ARHGEF12: variants seen among roughly 807,000 people sequenced by gnomAD.
ARHGEF12 encodes the protein KMT2A/ARHGEF12 fusion protein.
ARHGEF12 carries 66 observed loss-of-function variants against 211.2 expected under a neutral mutation model. The ratio of observed to expected loss-of-function variants is 0.31; its 90% CI spans 0.26 to 0.38. The LOEUF is 0.38. Ranked by LOEUF, ARHGEF12 falls within the 10% of genes least tolerant of loss-of-function variation. The pLI is 1.00. For missense variants in ARHGEF12, 1,429 were observed against 1,869.5 expected (o/e 0.76, Z 4.34); for synonymous variants, 592 against 638.4 (o/e 0.93, Z 1.09).
intron 1 of ARHGEF12, among the ~76,000 whole-genome samples, chr11:120,352,878 C>T (rs1302926416): frequency 2.0e-5 from 3 of 152,206 alleles, no homozygotes; most frequent in African/African-American, 7.2e-5. Flanking sequence ...ACATAGCCCA[C>T]ACACATCTGG....
At chr11:120,366,747 G>A (rs960418485) in intron 1 of ARHGEF12, among the ~76,000 whole-genome samples, 2 of 152,220 alleles carry the variant, frequency 1.3e-5, no homozygotes, top group Non-Finnish European at 2.9e-5. Flanking sequence ...GGATGAGGTG[G>A]CTCACGCCTG....
chr11:120,458,695 C>G (rs1946435066), intron 25 of ARHGEF12: 1 of 175,052 alleles, frequency 5.7e-6, no homozygotes, highest in Admixed American at 5.8e-5. Context: ...GGGTGCTGTA[C>G]CCTTTACTAT....
Position 120,486,334 on chromosome 11 carries a change from TC to T in ARHGEF12, c.*1259del. 4.3e-6 allele frequency: 1 copy of T among 233,232 alleles called. No homozygotes were observed. The highest frequency in any genetic ancestry group is 8.5e-6 in the Non-Finnish European group (1 of 117,800). The allele number at this position is 233,232 out of a possible 1,614,324, so 14.4% of individuals were successfully genotyped here. A position where few individuals can be genotyped will look rare whatever the true frequency, so the allele number is the denominator to read the frequency against. Reference sequence around the variant, plus strand: ...TGCTCACACCAGCTCCAGAAGCACGTCCTCTGACTTCACTGCCGCAGCTCTT... The same window carrying T: ...TGCTCACACCAGCTCCAGAAGCACGTCTCTGACTTCACTGCCGCAGCTCTT... On this transcript the variant is annotated 3_prime_UTR_variant, in exon 41 of 41. Transcript: ENST00000397843.
rs544708593 is a variant in ARHGEF12, at chr11:120,451,657, C to T, written c.1989C>T (p.Ala663=). 4 of 1,614,066 alleles carry T rather than the reference C, an allele frequency of 2.5e-6. No homozygotes were observed. The highest frequency in any genetic ancestry group is 3.4e-6 in the Non-Finnish European group (4 of 1,180,008). ...GAACAGACGCTGGATACCTGCCTGC[C>T]AATTCCATGTCTTCTGTAGCTTCAG... ...NEGTDAGYLP[A]NSMSSVASGA... Residue 663 remains alanine (A), a synonymous_variant, in exon 22 of 41, where the codon GCC becomes GCT. Coordinates refer to ENST00000397843, the MANE Select transcript of ARHGEF12 (RefSeq NM_015313.3).
chr11:120,484,953 A>C, intron 40 of ARHGEF12, 114 bp from the exon 41 acceptor site: 1 of 1,119,730 alleles, frequency 8.9e-7, no homozygotes, highest in Middle Eastern at 2.0e-4. Flanking sequence ...ATCTGCTTAC[A>C]TACTGATTCA....
chr11:120,370,039 G>T (rs535392721), intron 1 of ARHGEF12, among the ~76,000 whole-genome samples: 4 of 152,076 alleles, frequency 2.6e-5, no homozygotes, highest in African/African-American at 9.6e-5. Context: ...GGAAATTTTT[G>T]CAGATTTTTA....
chr11:120,483,463 AC>A (rs1435132320), intron 39 of ARHGEF12, among the ~76,000 whole-genome samples: 10 of 149,274 alleles, frequency 6.7e-5, no homozygotes, highest in African/African-American at 2.2e-4. Context: ...TCGGTCTGTC[AC>A]CCAGGCTGGA....
At chr11:120,465,850 AAT>A (rs1946690606) in intron 28 of ARHGEF12, among the ~76,000 whole-genome samples, 4 of 152,366 alleles carry the variant, frequency 2.6e-5, no homozygotes, top group East Asian at 1.9e-4. Context: ...AATAATAAAA[AAT>A]ATATGTCAGG....
At chr11:120,457,666 A>G in intron 23 of ARHGEF12, 55 bp from the exon 24 acceptor site, 2 of 1,403,066 alleles carry the variant, frequency 1.4e-6, no homozygotes, top group Non-Finnish European at 2.0e-6. Flanking sequence ...CTTTGGTATA[A>G]ATGTATTGAT....
At chr11:120,340,825 A>G (rs1266659069) in intron 1 of ARHGEF12, among the ~76,000 whole-genome samples, 6 of 152,212 alleles carry the variant, frequency 3.9e-5, no homozygotes, top group African/African-American at 9.6e-5. Flanking sequence ...AAGGTATGCA[A>G]TAGTACATTC....
intron 4 of ARHGEF12, among the ~76,000 whole-genome samples, chr11:120,420,316 C>A (rs1428689347): frequency 6.6e-6 from 1 of 151,942 alleles, no homozygotes; most frequent in Admixed American, 6.6e-5. Flanking sequence ...CAGAATTTTC[C>A]TTGAGATGCT....
chr11:120,352,159 T>G (rs1942998606), intron 1 of ARHGEF12, among the ~76,000 whole-genome samples: 1 of 152,132 alleles, frequency 6.6e-6, no homozygotes, highest in African/African-American at 2.4e-5. Context: ...CCTATTTTCT[T>G]TTCCAGATTT....
At chr11:120,445,718 G>A (rs980860543) in intron 16 of ARHGEF12, among the ~76,000 whole-genome samples, 5 of 151,980 alleles carry the variant, frequency 3.3e-5, no homozygotes, top group African/African-American at 1.2e-4. Flanking sequence ...TGCCAACATG[G>A]TGGAACCCTG....
chr11:120,421,094 A>G (rs774186113), intron 5 of ARHGEF12, among the ~76,000 whole-genome samples: 1 of 152,230 alleles, frequency 6.6e-6, no homozygotes, highest in Non-Finnish European at 1.5e-5. Flanking sequence ...CTCCTTGGTC[A>G]TGATACTTTA....
chr11:120,382,445 A>G (rs548977338), intron 1 of ARHGEF12, among the ~76,000 whole-genome samples: 2 of 152,372 alleles, frequency 1.3e-5, no homozygotes, highest in African/African-American at 4.8e-5. Context: ...GGACATTTAG[A>G]TAGCTCTAGT....
intron 7 of ARHGEF12, among the ~76,000 whole-genome samples, chr11:120,425,348 T>G (rs34540404): frequency 0.037 from 5,631 of 151,840 alleles, 292 homozygotes; most frequent in African/African-American, 0.12. Flanking sequence ...GGTTTTTTTT[T>G]TTTTTTTGTT....
chr11:120,469,536 A>G (rs550393944), intron 30 of ARHGEF12, 148 bp downstream of exon 30: 1 of 688,964 alleles, frequency 1.5e-6, no homozygotes, highest in Non-Finnish European at 2.4e-6. Context: ...AGGCAGGTCA[A>G]GATCAATCTG....
intron 1 of ARHGEF12, among the ~76,000 whole-genome samples, chr11:120,356,908 C>T (rs1281880734): frequency 6.6e-6 from 1 of 152,148 alleles, no homozygotes; most frequent in Non-Finnish European, 1.5e-5. Context: ...CACAATTACT[C>T]TGTGAGGTAT....
rs757820746 is a variant in ARHGEF12, at chr11:120,429,843, A to G, written c.783+12A>G. 2.5e-6 allele frequency: 4 copies of G among 1,599,420 alleles called. No homozygotes were observed. Among genetic ancestry groups the G allele is most frequent in the South Asian group, 2.3e-5 (2 of 87,580 alleles). On this transcript the variant is annotated intron_variant, in intron 10 of 40. Coordinates refer to ENST00000397843, the MANE Select transcript of ARHGEF12 (RefSeq NM_015313.3). ...CAGGCTCTGCTCAGGTAGCATCACT[A>G]TTACAAGTGCTACCCAACTTTTTGC...
Sources: gnomAD v4.1 joint callset for allele counts (sites outside exome capture counted in the v4.1 genomes callset) on GRCh38, gnomAD v4.1.1 for gene constraint, MANE v1.5 for transcripts, NCBI Gene and HGNC (gene_info 2026-07-23, HGNC 2026-07-21) for gene names.